Variants in FOXP1 observed in about 807,000 individuals in gnomAD.
FOXP1 encodes the protein forkhead box protein P1.
A neutral mutation model predicts 98.2 loss-of-function variants in FOXP1; 15 were observed. That is an observed-to-expected ratio of 0.15 (90% CI 0.10 to 0.24). The LOEUF is 0.24. FOXP1 is among the 10% of genes least tolerant of loss of function. The pLI, the probability that FOXP1 is intolerant of heterozygous loss-of-function variation, is 1.00. For missense variants in FOXP1, 633 were observed against 848.5 expected (o/e 0.75, Z 3.15); for synonymous variants, 371 against 314.5 (o/e 1.18, Z -1.90).
At chr3:71,338,594 A>AT (rs1329009441) in intron 4 of FOXP1, among the ~76,000 whole-genome samples, 1 of 151,962 alleles carries the variant, frequency 6.6e-6, no homozygotes, top group Admixed American at 6.6e-5. Flanking sequence ...TGCCCAGCTA[A>AT]TTTTTTTGTA....
intron 12 of FOXP1, among the ~76,000 whole-genome samples, chr3:71,005,325 A>AAC (rs1195311429): frequency 6.7e-6 from 1 of 148,680 alleles, no homozygotes; most frequent in South Asian, 2.1e-4. Context: ...AAAAAAAAAA[A>AAC]AAAAAAAAAA....
At chr3:71,232,158 G>A (rs2066342706) in intron 5 of FOXP1, among the ~76,000 whole-genome samples, 1 of 152,176 alleles carries the variant, frequency 6.6e-6, no homozygotes, top group Non-Finnish European at 1.5e-5. Flanking sequence ...AAAAGAATCT[G>A]ATAGTATCAA....
intron 4 of FOXP1, among the ~76,000 whole-genome samples, chr3:71,306,865 A>G (rs537531634): frequency 6.6e-6 from 1 of 152,230 alleles, no homozygotes; most frequent in East Asian, 1.9e-4. Flanking sequence ...TACAGTCAAC[A>G]ATTTTCTCCA....
intron 5 of FOXP1, among the ~76,000 whole-genome samples, chr3:71,250,969 T>C (rs1417007692): frequency 6.6e-6 from 1 of 152,178 alleles, no homozygotes; most frequent in Non-Finnish European, 1.5e-5. Flanking sequence ...TTTTTGGTAA[T>C]GACTTTTTTA....
chr3:71,450,496 C>G (rs2086848426), intron 3 of FOXP1, among the ~76,000 whole-genome samples: 1 of 152,176 alleles, frequency 6.6e-6, no homozygotes, highest in Non-Finnish European at 1.5e-5. Flanking sequence ...TATGCATTAC[C>G]AAGCTACGAA....
intron 6 of FOXP1, among the ~76,000 whole-genome samples, chr3:71,156,577 G>A (rs777131239): frequency 3.3e-5 from 5 of 152,228 alleles, no homozygotes; most frequent in Admixed American, 6.5e-5. Flanking sequence ...AAGGCACAGA[G>A]GTGTCAGAAG....
intron 6 of FOXP1, among the ~76,000 whole-genome samples, chr3:71,118,881 T>C (rs1396161661): frequency 1.3e-5 from 2 of 152,254 alleles, no homozygotes; most frequent in Non-Finnish European, 2.9e-5. Context: ...ACTTTTGTGC[T>C]ACAAACGGAG....
intron 6 of FOXP1, among the ~76,000 whole-genome samples, chr3:71,194,730 G>T (rs1260068472): frequency 1.3e-5 from 2 of 152,148 alleles, no homozygotes; most frequent in Non-Finnish European, 2.9e-5. Flanking sequence ...ATGGTATCGG[G>T]TAAAGAATTA....
At chr3:71,347,821 G>A (rs2077467631) in intron 4 of FOXP1, among the ~76,000 whole-genome samples, 2 of 151,764 alleles carry the variant, frequency 1.3e-5, no homozygotes, top group Admixed American at 1.3e-4. Context: ...GGAGGCGGAG[G>A]TTGCAGTGAG....
intron 5 of FOXP1, among the ~76,000 whole-genome samples, chr3:71,244,106 T>C (rs2067515727): frequency 1.3e-5 from 2 of 152,206 alleles, no homozygotes; most frequent in Non-Finnish European, 2.9e-5. Context: ...TCAGGGAATC[T>C]TAGCTGCTGC....
intron 12 of FOXP1, among the ~76,000 whole-genome samples, chr3:71,013,073 T>C (rs1422844064): frequency 2.0e-5 from 3 of 152,198 alleles, no homozygotes; most frequent in East Asian, 1.9e-4. Flanking sequence ...AAGTAAGGAA[T>C]AGCATAGAAG....
chr3:71,042,225 G>A (rs2048446570), intron 10 of FOXP1, among the ~76,000 whole-genome samples: 1 of 152,030 alleles, frequency 6.6e-6, no homozygotes, highest in Non-Finnish European at 1.5e-5. Flanking sequence ...TTAGATCAAT[G>A]GTAATGAACC....
At chr3:71,567,602 A>G (rs973962867) in intron 2 of FOXP1, among the ~76,000 whole-genome samples, 2 of 152,194 alleles carry the variant, frequency 1.3e-5, no homozygotes, top group Non-Finnish European at 2.9e-5. Flanking sequence ...GGGAGCCCCA[A>G]CTGTCCAATG....
Position 70,965,911 on chromosome 3 carries a change from C to T in FOXP1, c.1868G>A (p.Gly623Asp). The change falls in exon 20 of 21, where the codon GGC becomes GAC. Residue 623 changes from glycine (G) to aspartate (D), a missense_variant. Transcript: ENST00000649528. Reference sequence around the variant, plus strand: ...TCACACGGCTTGCATAGGAGATCTGCCTGGACTGCTGTCACTCTCGTTGCT... The same window carrying T: ...TCACACGGCTTGCATAGGAGATCTGTCTGGACTGCTGTCACTCTCGTTGCT... ...TNSNESDSSP[G>D]RSPMQAVHPV... is the part of the protein sequence containing the mutation. 1.2e-6 allele frequency: 2 copies of T among 1,614,038 alleles called. No homozygotes were observed. The highest frequency in any genetic ancestry group is 1.7e-6 in the Non-Finnish European group (2 of 1,180,024).
At chr3:71,137,268 A>C (rs1033251537) in intron 6 of FOXP1, among the ~76,000 whole-genome samples, 4 of 152,096 alleles carry the variant, frequency 2.6e-5, no homozygotes, top group African/African-American at 7.2e-5. Context: ...TCAAACTGAC[A>C]CTTTGCTCTC....
At chr3:70,969,951 G>C in intron 19 of FOXP1, 1 of 152,278 alleles carries the variant, frequency 6.6e-6, no homozygotes, top group East Asian at 1.9e-4. Flanking sequence ...ACTACACCCA[G>C]GTACTTTAAT....
chr3:71,462,461 C>A (rs1367444556), intron 3 of FOXP1, among the ~76,000 whole-genome samples: 2 of 152,152 alleles, frequency 1.3e-5, no homozygotes, highest in East Asian at 1.9e-4. Flanking sequence ...GTACACTCAG[C>A]CTCACAGAAT....
chr3:71,331,768 G>A (rs149695648), intron 4 of FOXP1, among the ~76,000 whole-genome samples: 1 of 152,118 alleles, frequency 6.6e-6, no homozygotes, highest in African/African-American at 2.4e-5. Context: ...CTAAGGGATT[G>A]TAAATACGCC....
At chr3:71,131,674 T>C (rs1292832201) in intron 6 of FOXP1, among the ~76,000 whole-genome samples, 1 of 152,222 alleles carries the variant, frequency 6.6e-6, no homozygotes, top group African/African-American at 2.4e-5. Flanking sequence ...CAACGGCAGC[T>C]TGATAGACAT....
Sources: allele counts gnomAD v4.1 joint callset (sites outside exome capture counted in the v4.1 genomes callset), GRCh38; gene constraint gnomAD v4.1.1; transcripts MANE v1.5; gene names NCBI Gene and HGNC (gene_info 2026-07-23, HGNC 2026-07-21).